The following PXT1 variants were observed in gnomAD, a reference collection of about 807,000 sequenced individuals.
PXT1 encodes peroxisomal testis enriched protein 1.
A neutral mutation model predicts 11.0 loss-of-function variants in PXT1; 11 were observed. The observed-to-expected ratio is 1.00, with a 90% confidence interval of 0.63 to 1.66. The LOEUF (loss-of-function observed/expected upper bound fraction) is 1.66. Ranked by LOEUF, PXT1 falls within the 40% of genes most tolerant of loss-of-function variation. PXT1 has a pLI of 0.00. For synonymous variants in PXT1, 43 were observed against 51.4 expected (o/e 0.84, Z 0.70); for missense variants, 141 against 155.5 (o/e 0.91, Z 0.49).
chr6:36,396,668 A>G (rs369194860), intron 4 of PXT1, among the ~76,000 whole-genome samples: 15 of 152,196 alleles, frequency 9.9e-5, no homozygotes, highest in South Asian at 4.1e-4. Context: ...AGGCCCACCC[A>G]TGGCCACCCA....
At position 36,391,483 on chromosome 6, in the gene PXT1, A is replaced by G. The variant is rs1248922890; in HGVS notation, c.*287T>C. On this transcript the variant is annotated 3_prime_UTR_variant, in exon 5 of 5. Coordinates refer to ENST00000454782, the MANE Select transcript of PXT1 (RefSeq NM_152990.4). The stretch of plus-strand genomic sequence containing the variant: ...AGGTTTCCTCACAAGGAGCCCTGGG[A>G]CCATCCACAGCGCTGGTGTTTTCTG... 1.0e-5 allele frequency: 4 copies of G among 389,370 alleles called. No individual in the cohort carries two copies. The highest frequency in any genetic ancestry group is 6.3e-5 in the African/African-American group (3 of 47,520). The allele number at this position is 389,370 out of a possible 1,614,324, so 24.1% of individuals were successfully genotyped here. A position where few individuals can be genotyped will look rare whatever the true frequency, so the allele number is the denominator to read the frequency against.
At chr6:36,395,366 C>G (rs933962000) in intron 4 of PXT1, among the ~76,000 whole-genome samples, 7 of 151,858 alleles carry the variant, frequency 4.6e-5, no homozygotes, top group Non-Finnish European at 1.0e-4. Context: ...AAACAGAGTA[C>G]AAAAGGTAAA....
intron 4 of PXT1, 66 bp from the exon 5 acceptor site, chr6:36,391,940 A>G (rs993400869): frequency 2.9e-6 from 3 of 1,020,240 alleles, no homozygotes; most frequent in Middle Eastern, 2.6e-4. Flanking sequence ...AGAATAATCC[A>G]AAGTTAAAAA....
In PXT1 at chr6:36,391,566, C is replaced by A; in HGVS notation, c.*204G>T. On this transcript the variant is annotated 3_prime_UTR_variant, in exon 5 of 5. Coordinates refer to ENST00000454782, the MANE Select transcript of PXT1 (RefSeq NM_152990.4). ...CTTGGGCTTTACCGTGATGTGATCG[C>A]AGACATCTCATAGCTAGCTCCTCCG... is the stretch of plus-strand genomic sequence containing the variant. The A allele has an allele frequency of 1.7e-6, 1 of 583,986 alleles. No homozygotes were observed. The allele number at this position is 583,986 out of a possible 1,614,324, so 36.2% of individuals were successfully genotyped here.
chr6:36,435,474 G>A (rs1459747288), intron 2 of PXT1, among the ~76,000 whole-genome samples: 1 of 152,078 alleles, frequency 6.6e-6, no homozygotes, highest in Non-Finnish European at 1.5e-5. Flanking sequence ...GAGGCAGGAG[G>A]ATACTTGAGC....
At chr6:36,405,377 G>GTT (rs34977971) in intron 3 of PXT1, among the ~76,000 whole-genome samples, 5 of 146,488 alleles carry the variant, frequency 3.4e-5, no homozygotes, top group African/African-American at 1.0e-4. Flanking sequence ...AAGAAAAACT[G>GTT]TTTTTTTTTT....
rs1012977710 is a variant in PXT1 at position 36,430,049 on chromosome 6, G to T, written c.-9-3958C>A. 4.6e-5 allele frequency among the ~76,000 whole-genome samples: 7 copies of T among 151,694 alleles called. No homozygotes were observed. The East Asian group carries it at 1.4e-3, about 30-fold the overall frequency. ...TGGCAAAACCTTGTCTCTACTAAAA[G>T]TACAAAACTTGGCCAGGCGTAGTGG... On this transcript the variant is annotated intron_variant, in intron 2 of 4. Transcript: ENST00000454782.
In PXT1 at chr6:36,390,777, G is replaced by A. The variant is rs1036361064; in HGVS notation, c.*993C>T. On this transcript the variant is annotated 3_prime_UTR_variant, in exon 5 of 5. Coordinates refer to ENST00000454782, the MANE Select transcript of PXT1 (RefSeq NM_152990.4). ...AAGAACTGCCTAACAGCGTGCAGGA[G>A]AGAATGAGTGAAATACATTCCACAG... is the stretch of plus-strand genomic sequence containing the variant. The A allele has an allele frequency of 1.3e-5, 2 of 152,214 alleles. No individual in the cohort carries two copies. Among genetic ancestry groups the A allele is most frequent in the African/African-American group, 2.4e-5 (1 of 41,436 alleles). The allele number at this position is 152,214 out of a possible 1,614,324, so 9.4% of individuals were successfully genotyped here.
chr6:36,422,577 T>A (rs906554467), intron 3 of PXT1, among the ~76,000 whole-genome samples: 1 of 152,184 alleles, frequency 6.6e-6, no homozygotes, highest in Non-Finnish European at 1.5e-5. Context: ...TTTTTATTTA[T>A]CACTGTCATC....
At chr6:36,401,651 G>T (rs1340142551) in intron 3 of PXT1, among the ~76,000 whole-genome samples, 2 of 150,712 alleles carry the variant, frequency 1.3e-5, no homozygotes, top group African/African-American at 4.9e-5. Context: ...ACATATCCAG[G>T]TCATTTCAAA....
chr6:36,410,023 G>A (rs1316578685), intron 3 of PXT1, among the ~76,000 whole-genome samples: 1 of 151,566 alleles, frequency 6.6e-6, no homozygotes, highest in Non-Finnish European at 1.5e-5. Context: ...AGAAAGAAAG[G>A]AAGGAAGGGA....
At chr6:36,396,676 C>G (rs1232261442) in intron 4 of PXT1, among the ~76,000 whole-genome samples, 1 of 152,180 alleles carries the variant, frequency 6.6e-6, no homozygotes, top group Non-Finnish European at 1.5e-5. Flanking sequence ...CCATGGCCAC[C>G]CATCGACCAA....
chr6:36,435,467 G>C (rs1230450749), intron 2 of PXT1, among the ~76,000 whole-genome samples: 1 of 152,102 alleles, frequency 6.6e-6, no homozygotes, highest in African/African-American at 2.4e-5. Context: ...GGAGGCTGAG[G>C]CAGGAGGATA....
At chr6:36,420,994 G>A (rs1774515717) in intron 3 of PXT1, among the ~76,000 whole-genome samples, 1 of 151,474 alleles carries the variant, frequency 6.6e-6, no homozygotes, top group Non-Finnish European at 1.5e-5. Flanking sequence ...GGCGGAGGTT[G>A]CAGCGAGCCA....
chr6:36,391,727 TA>T lies in PXT1; in HGVS notation c.*42del. On this transcript the variant is annotated 3_prime_UTR_variant, in exon 5 of 5. Transcript: ENST00000454782. ...AGTGGGATTCATGTTTCTCAGAGGG[TA>T]AAAAGAAAACAGAACTTGACCACTT... The T allele has an allele frequency of 3.1e-6, 4 of 1,302,284 alleles. No individual in the cohort carries two copies. The highest frequency in any genetic ancestry group is 4.5e-6 in the Non-Finnish European group (4 of 897,378). The allele number at this position is 1,302,284 out of a possible 1,614,324, so 80.7% of individuals were successfully genotyped here.
chr6:36,440,295 G>A (rs887187896), intron 1 of PXT1, among the ~76,000 whole-genome samples: 2 of 152,308 alleles, frequency 1.3e-5, no homozygotes, highest in South Asian at 4.1e-4. Context: ...CCTTGACCGG[G>A]CGTGGTGGCT....
intron 2 of PXT1, among the ~76,000 whole-genome samples, chr6:36,430,852 T>C (rs1408314644): frequency 6.6e-6 from 1 of 152,170 alleles, no homozygotes; most frequent in Non-Finnish European, 1.5e-5. Context: ...TGGAGTGCAG[T>C]GGCCCAAGCT....
At chr6:36,412,112 G>A (rs1229822214) in intron 3 of PXT1, among the ~76,000 whole-genome samples, 2 of 152,182 alleles carry the variant, frequency 1.3e-5, no homozygotes, top group Admixed American at 6.5e-5. Flanking sequence ...AGCACTTTGG[G>A]AGGCCAAGGC....
In PXT1 at chr6:36,410,222, G is replaced by A. The variant is rs147564218; in HGVS notation, c.170-9638C>T. 6.5e-3 allele frequency among the ~76,000 whole-genome samples: 988 copies of A among 152,010 alleles called. 5 individuals carry two copies. The highest frequency in any genetic ancestry group is 0.01 in the Non-Finnish European group (694 of 67,974). On this transcript the variant is annotated intron_variant, in intron 3 of 4. Transcript: ENST00000454782. Reference sequence around the variant, plus strand: ...TCCCAGCACTTTGGGAGGCCGAGGCGGGTGGATCACCTGACATTGGGAGTT... The same window carrying A: ...TCCCAGCACTTTGGGAGGCCGAGGCAGGTGGATCACCTGACATTGGGAGTT...
Sources: allele counts gnomAD v4.1 joint callset (sites outside exome capture counted in the v4.1 genomes callset), GRCh38; gene constraint gnomAD v4.1.1; transcripts MANE v1.5; gene names NCBI Gene and HGNC (gene_info 2026-07-23, HGNC 2026-07-21).